Variants in CATSPERE observed in about 807,000 individuals in gnomAD.
CATSPERE encodes the protein cation channel sperm-associated auxiliary subunit epsilon.
In CATSPERE, 93 loss-of-function variants were observed where a neutral mutation model predicts 114.1. That is an observed-to-expected ratio of 0.81 (90% CI 0.69 to 0.97). The LOEUF (loss-of-function observed/expected upper bound fraction) is 0.97, where lower values mean the gene tolerates loss of function less well. Ranked by LOEUF, CATSPERE falls within the 50% of genes least tolerant of loss-of-function variation. CATSPERE has a pLI of 0.00. For synonymous variants in CATSPERE, 341 were observed against 384.1 expected (o/e 0.89, Z 1.31); for missense variants, 1,058 against 1,131.6 (o/e 0.93, Z 0.93).
intron 6 of CATSPERE, among the ~76,000 whole-genome samples, chr1:244,490,971 T>G (rs1472207388): frequency 1.3e-5 from 2 of 152,160 alleles, no homozygotes; most frequent in African/African-American, 4.8e-5. Context: ...ACAAAAGCCT[T>G]GTAGGATTCT....
chr1:244,492,099 C>A (rs1672281768), intron 6 of CATSPERE, among the ~76,000 whole-genome samples: 1 of 151,646 alleles, frequency 6.6e-6, no homozygotes, highest in South Asian at 2.1e-4. Flanking sequence ...TTTTATGAGG[C>A]CAGCATCATC....
chr1:244,598,499 G>T, intron 17 of CATSPERE: 1 of 189,596 alleles, frequency 5.3e-6, no homozygotes, highest in Non-Finnish European at 1.1e-5. Flanking sequence ...TTCTCCAATT[G>T]CTCCTTCCGT....
intron 1 of CATSPERE, among the ~76,000 whole-genome samples, chr1:244,456,159 G>A (rs955555700): frequency 2.6e-5 from 4 of 151,432 alleles, no homozygotes; most frequent in South Asian, 2.1e-4. Context: ...TTTGGGTTGC[G>A]TTGCAGTGAA....
intron 6 of CATSPERE, among the ~76,000 whole-genome samples, chr1:244,492,235 G>C (rs1399183778): frequency 6.7e-6 from 1 of 148,914 alleles, no homozygotes; most frequent in African/African-American, 2.4e-5. Context: ...ACATCAAAAA[G>C]CTTATCCACC....
intron 20 of CATSPERE, among the ~76,000 whole-genome samples, chr1:244,626,299 A>G (rs1478951267): frequency 1.3e-5 from 2 of 151,918 alleles, no homozygotes; most frequent in African/African-American, 4.8e-5. Context: ...CAGCCTGACC[A>G]ACACTGTGAA....
intron 8 of CATSPERE, among the ~76,000 whole-genome samples, chr1:244,531,476 C>T (rs1679583823): frequency 6.6e-6 from 1 of 151,920 alleles, no homozygotes; most frequent in Admixed American, 6.6e-5. Flanking sequence ...TCATATATGG[C>T]TTTTATCATG....
exon 1 of CATSPERE, chr1:244,454,412 C>G (rs1665934337): frequency 6.6e-6 from 1 of 152,108 alleles, no homozygotes; most frequent in South Asian, 2.1e-4. Flanking sequence ...AATTCGGTTC[C>G]CCATGCAGCC....
At chr1:244,469,688 C>A (rs1338860327) in intron 2 of CATSPERE, among the ~76,000 whole-genome samples, 1 of 152,060 alleles carries the variant, frequency 6.6e-6, no homozygotes, top group Non-Finnish European at 1.5e-5. Context: ...TTTCTTATGG[C>A]AATTCATAGG....
In CATSPERE at chr1:244,577,147, T is replaced by C. The variant is rs533393051; in HGVS notation, c.1950+4375T>C. Among the ~76,000 whole-genome samples, 42 of 152,068 alleles carry C rather than the reference T, an allele frequency of 2.8e-4. 1 individual carries two copies. The highest frequency in any genetic ancestry group is 3.4e-3 in the Middle Eastern group (1 of 294). On this transcript the variant is annotated intron_variant, in intron 11 of 21. Transcript: ENST00000366534. ...TATAATTTTTTTCAGTTTTTTAGTA[T>C]TACCTTGTTCATACCTACTAATTCA...
chr1:244,557,398 C>T (rs1035411305), intron 9 of CATSPERE, among the ~76,000 whole-genome samples: 4 of 148,794 alleles, frequency 2.7e-5, no homozygotes, highest in Non-Finnish European at 4.5e-5. Context: ...TGTGTTTCTT[C>T]AGTTTCCTTC....
intron 17 of CATSPERE, among the ~76,000 whole-genome samples, chr1:244,603,721 T>C (rs1669588731): frequency 1.3e-5 from 2 of 151,704 alleles, no homozygotes; most frequent in African/African-American, 4.8e-5. Context: ...AATGTAAGAA[T>C]CTGGCCAGGC....
Position 244,551,754 on chromosome 1 carries a change from A to C in CATSPERE, c.537-568A>C, listed in dbSNP as rs528774499. On this transcript the variant is annotated intron_variant, in intron 8 of 21. Transcript: ENST00000366534. ...GATAATGTATAAAAATTATGTATTA[A>C]GAAAGAGCATATAAGAATGTTTACT... Among the ~76,000 whole-genome samples the C allele has an allele frequency of 4.6e-5, 7 of 152,316 alleles. No individual in the cohort carries two copies. In the East Asian group the frequency reaches 1.4e-3, roughly 29 times the overall value.
In CATSPERE at chr1:244,571,821, GT is replaced by G. The variant is rs554412402; in HGVS notation, c.1508-508del. On this transcript the variant is annotated intron_variant, in intron 10 of 21. Coordinates refer to ENST00000366534, the MANE Select transcript of CATSPERE (RefSeq NM_001130957.2). ...TGTCCTCATGTGGCCTTTCTTCTCT[GT>G]GTGTCCGGAGAGATCCCTGGTGTCT... is the stretch of plus-strand genomic sequence containing the variant. Among the ~76,000 whole-genome samples the G allele has an allele frequency of 7.7e-4, 117 of 152,206 alleles. 1 individual carries two copies. Among genetic ancestry groups the G allele is most frequent in the African/African-American group, 2.7e-3 (113 of 41,532 alleles).
rs1572298056 is a variant in CATSPERE at position 244,479,926 on chromosome 1, C to T, written c.326+142C>T. 17 of 421,324 alleles carry T rather than the reference C, an allele frequency of 4.0e-5. No homozygotes were observed. The East Asian group carries it at 5.4e-4, about 13-fold the overall frequency. 26.1% of individuals were successfully genotyped at this position (421,324 alleles called of 1,614,324 possible). ...AACCAAGCTATTCTCAAATATACTG[C>T]CGAAGAAATACTGAAGAACAAACAG... On this transcript the variant is annotated intron_variant, in intron 5 of 21. Transcript: ENST00000366534.
At chr1:244,462,111 C>T (rs1052814128) in intron 1 of CATSPERE, among the ~76,000 whole-genome samples, 17 of 152,316 alleles carry the variant, frequency 1.1e-4, no homozygotes, top group African/African-American at 4.1e-4. Flanking sequence ...AGCTCTGAGC[C>T]ATGAGCTATC....
At chr1:244,613,366 T>G (rs1670981338) in intron 19 of CATSPERE, among the ~76,000 whole-genome samples, 1 of 152,186 alleles carries the variant, frequency 6.6e-6, no homozygotes, top group Non-Finnish European at 1.5e-5. Flanking sequence ...CAGACCACAA[T>G]GGCAAAAAGG....
intron 8 of CATSPERE, among the ~76,000 whole-genome samples, chr1:244,541,737 G>A (rs982690900): frequency 9.5e-5 from 14 of 147,074 alleles, no homozygotes; most frequent in African/African-American, 3.5e-4. Context: ...ATTCACAATA[G>A]CAAAGACTTG....
chr1:244,521,477 C>A (rs1420223574), intron 8 of CATSPERE, among the ~76,000 whole-genome samples: 1 of 151,936 alleles, frequency 6.6e-6, no homozygotes, highest in Non-Finnish European at 1.5e-5. Flanking sequence ...TAATTTATTA[C>A]ATTAATAGCT....
At chr1:244,625,406 T>TAA (rs74162779) in intron 20 of CATSPERE, among the ~76,000 whole-genome samples, 3,364 of 12,646 alleles carry the variant, frequency 0.27, 761 homozygotes, top group East Asian at 0.35. Flanking sequence ...TTATTATTAT[T>TAA]TATATATATA....
Sources: gnomAD v4.1 joint callset for allele counts (sites outside exome capture counted in the v4.1 genomes callset) on GRCh38, gnomAD v4.1.1 for gene constraint, MANE v1.5 for transcripts, NCBI Gene and HGNC (gene_info 2026-07-23, HGNC 2026-07-21) for gene names.